The following TTPA variants were observed in gnomAD, a reference collection of about 807,000 sequenced individuals.
TTPA encodes the protein alpha tocopherol transfer protein.
TTPA carries 23 observed loss-of-function variants against 25.9 expected under a neutral mutation model. That is an observed-to-expected ratio of 0.89 (90% CI 0.64 to 1.26). TTPA has a LOEUF of 1.26. TTPA is among the 50% of genes most tolerant of loss of function. The pLI is 0.00. For missense variants in TTPA, 337 were observed against 353.1 expected (o/e 0.95, Z 0.37); for synonymous variants, 148 against 137.3 (o/e 1.08, Z -0.54).
chr8:63,066,287 C>T (rs1805389085), intron 2 of TTPA, among the ~76,000 whole-genome samples, 190 bp from the exon 3 acceptor site: 1 of 152,318 alleles, frequency 6.6e-6, no homozygotes, highest in South Asian at 2.1e-4. Context: ...TCCTCAAATT[C>T]TAGCAAAGAA....
rs773161117 is a variant in TTPA, at chr8:63,065,946, T to A, written c.510A>T (p.Gln170His). The change falls in exon 3 of 5, where the codon CAA becomes CAT. Residue 170 changes from glutamine to histidine, a missense_variant. Physicochemically the swap from Gln to His is conservative, Grantham distance 24. Transcript: ENST00000260116. ...TCTTCTTGGCTACGGATGGAGTGAT[T>A]TGAAAAGCATGAGAAAACTGCCAAC... ...LEGWQFSHAF[Q>H]ITPSVAKKIA... 1 of 1,614,090 alleles carries A rather than the reference T, an allele frequency of 6.2e-7. No individual in the cohort carries two copies. The highest frequency in any genetic ancestry group is 8.5e-7 in the Non-Finnish European group (1 of 1,179,990).
At chr8:63,068,850 T>G (rs145789700) in intron 2 of TTPA, among the ~76,000 whole-genome samples, 350 of 152,272 alleles carry the variant, frequency 2.3e-3, no homozygotes, top group African/African-American at 8.0e-3. Context: ...TGTGTTAGTG[T>G]TTTTTAAAAG....
chr8:63,072,965 T>G lies in TTPA; in HGVS notation c.328A>C (p.Thr110Pro), dbSNP rs757454805. The change falls in exon 2 of 5, where the codon ACT becomes CCT. Residue 110 changes from threonine (T) to proline (P), a missense_variant. Physicochemically the swap from Thr to Pro is conservative, Grantham distance 38. Transcript: ENST00000260116. ...CTGTAAATAAGAACTTTGCTGCCAGTGGGATCCCTGGATCTCAGGACTCCA... is the reference window on the plus strand; with the variant it reads ...CTGTAAATAAGAACTTTGCTGCCAGGGGGATCCCTGGATCTCAGGACTCCA... ...YHGVLRSRDPTGSKVLIYRIA... is the reference protein window; with the variant it reads ...YHGVLRSRDPPGSKVLIYRIA... The G allele has an allele frequency of 3.1e-6, 5 of 1,614,086 alleles. No individual in the cohort carries two copies. The South Asian group carries it at 5.5e-5, about 18-fold the overall frequency.
Position 63,060,978 on chromosome 8 carries a change from A to G in TTPA, c.*274T>C, listed in dbSNP as rs1255852902. 3.0e-5 allele frequency: 10 copies of G among 331,508 alleles called. No homozygotes were observed. Among genetic ancestry groups the G allele is most frequent in the Non-Finnish European group, 5.1e-5 (9 of 175,676 alleles). The allele number at this position is 331,508 out of a possible 1,614,324, so 20.5% of individuals were successfully genotyped here. A position where few individuals can be genotyped will look rare whatever the true frequency, so the allele number is the denominator to read the frequency against. On this transcript the variant is annotated 3_prime_UTR_variant, in exon 5 of 5. Transcript: ENST00000260116. ...ATGCACATGAGCAGCTACTTTAGCAATAACTTTCATGTTCTCTTCAAGTAC... is the reference window on the plus strand; with the variant it reads ...ATGCACATGAGCAGCTACTTTAGCAGTAACTTTCATGTTCTCTTCAAGTAC...
At chr8:63,078,131 T>G (rs1563364718) in intron 1 of TTPA, among the ~76,000 whole-genome samples, 1 of 152,168 alleles carries the variant, frequency 6.6e-6, no homozygotes, top group Non-Finnish European at 1.5e-5. Flanking sequence ...CAGACAGGAA[T>G]AGCGCCAACA....
intron 1 of TTPA, among the ~76,000 whole-genome samples, chr8:63,073,769 C>A (rs1385971213): frequency 6.6e-6 from 1 of 152,102 alleles, no homozygotes; most frequent in Non-Finnish European, 1.5e-5. Flanking sequence ...AGCTGAAACA[C>A]CACTTTTAGT....
At chr8:63,076,285 T>C (rs1805560820) in intron 1 of TTPA, among the ~76,000 whole-genome samples, 1 of 151,718 alleles carries the variant, frequency 6.6e-6, no homozygotes, top group South Asian at 2.1e-4. Flanking sequence ...TAATTCATCA[T>C]AACTTCAAAT....
chr8:63,072,832 TG>T, intron 2 of TTPA, 102 bp downstream of exon 2: 1 of 1,360,254 alleles, frequency 7.4e-7, no homozygotes, highest in Non-Finnish European at 1.0e-6. Flanking sequence ...GCTTTCTATA[TG>T]GTATTCAAGG....
intron 2 of TTPA, among the ~76,000 whole-genome samples, chr8:63,069,327 C>G (rs1477682968): frequency 6.6e-6 from 1 of 150,530 alleles, no homozygotes; most frequent in Non-Finnish European, 1.5e-5. Context: ...GTTTGCCAAT[C>G]AAAAAAATAG....
intron 4 of TTPA, among the ~76,000 whole-genome samples, chr8:63,063,556 C>T (rs1161461896): frequency 6.6e-6 from 1 of 152,158 alleles, no homozygotes; most frequent in African/African-American, 2.4e-5. Context: ...AAAAGATACA[C>T]AGTGAGAGAT....
rs760014795 is a variant in TTPA at position 63,086,002 on chromosome 8, TG to T, written c.19del (p.Gln7SerfsTer64). 8.7e-6 allele frequency: 13 copies of T among 1,486,838 alleles called. No individual in the cohort carries two copies. The highest frequency in any genetic ancestry group is 8.9e-7 in the Non-Finnish European group (1 of 1,126,720). The allele number at this position is 1,486,838 out of a possible 1,614,324, so 92.1% of individuals were successfully genotyped here. A position where few individuals can be genotyped will look rare whatever the true frequency, so the allele number is the denominator to read the frequency against. ...GTTGAGCTGCGGCCCCGCCGAGGGC[TG>T]GGATCGCGCCTCTGCCATGCCCGCC... MAEARS[Q>X]PSAGPQLNAL... On this transcript the variant is annotated frameshift_variant, in exon 1 of 5. Coordinates refer to ENST00000260116, the MANE Select transcript of TTPA (RefSeq NM_000370.3). LOFTEE classifies it high-confidence loss of function.
Position 63,060,974 on chromosome 8 carries a change from A to C in TTPA, c.*278T>G. 3.1e-6 allele frequency: 1 copy of C among 324,460 alleles called. No homozygotes were observed. Among genetic ancestry groups the C allele is most frequent in the East Asian group, 6.6e-5 (1 of 15,168 alleles). 20.1% of individuals were successfully genotyped at this position (324,460 alleles called of 1,614,324 possible). On this transcript the variant is annotated 3_prime_UTR_variant, in exon 5 of 5. Coordinates refer to ENST00000260116, the MANE Select transcript of TTPA (RefSeq NM_000370.3). ...AAAGATGCACATGAGCAGCTACTTT[A>C]GCAATAACTTTCATGTTCTCTTCAA...
rs184901623 is a variant in TTPA, at chr8:63,083,397, A to G, written c.204+2421T>C. The stretch of plus-strand genomic sequence containing the variant: ...CAACTATCACAAAGACAGAAAACCA[A>G]ACACTGCATGTTCTCACTCAGAGGT... On this transcript the variant is annotated intron_variant, in intron 1 of 4. Coordinates refer to ENST00000260116, the MANE Select transcript of TTPA (RefSeq NM_000370.3). 1.5e-3 allele frequency among the ~76,000 whole-genome samples: 223 copies of G among 152,266 alleles called. 1 individual carries two copies. The highest frequency in any genetic ancestry group is 4.6e-3 in the African/African-American group (193 of 41,542).
At position 63,066,349 on chromosome 8, in the gene TTPA, C is replaced by T. The variant is rs956715470; in HGVS notation, c.359-252G>A. Among the ~76,000 whole-genome samples the T allele has an allele frequency of 2.0e-5, 3 of 152,170 alleles. 1 individual carries two copies. The South Asian group carries it at 6.2e-4, about 32-fold the overall frequency. On this transcript the variant is annotated intron_variant, in intron 2 of 4. Coordinates refer to ENST00000260116, the MANE Select transcript of TTPA (RefSeq NM_000370.3). ...AGGAATGGACACAGGCTGAATTTGA[C>T]TGCAAGATGAAGTCACAACCTCACA...
At chr8:63,074,225 G>T (rs1805527104) in intron 1 of TTPA, among the ~76,000 whole-genome samples, 1 of 152,102 alleles carries the variant, frequency 6.6e-6, no homozygotes, top group African/African-American at 2.4e-5. Context: ...AACTAGAGAG[G>T]GAAATGCTGA....
chr8:63,074,749 G>T (rs1363247273), intron 1 of TTPA, among the ~76,000 whole-genome samples: 2 of 152,094 alleles, frequency 1.3e-5, no homozygotes, highest in Non-Finnish European at 2.9e-5. Context: ...TAAAATGCTG[G>T]AAGCTGCACA....
chr8:63,070,386 G>A (rs73684514), intron 2 of TTPA, among the ~76,000 whole-genome samples: 2,000 of 152,238 alleles, frequency 0.013, 39 homozygotes, highest in African/African-American at 0.045. Flanking sequence ...ATCTAGAGAA[G>A]GTGGTTATGC....
At chr8:63,078,033 C>T (rs941863898) in intron 1 of TTPA, among the ~76,000 whole-genome samples, 2 of 152,194 alleles carry the variant, frequency 1.3e-5, no homozygotes, top group Admixed American at 1.3e-4. Flanking sequence ...TGGTGACACC[C>T]AGGCAAACAG....
At chr8:63,078,487 C>T (rs1467610585) in intron 1 of TTPA, among the ~76,000 whole-genome samples, 1 of 152,080 alleles carries the variant, frequency 6.6e-6, no homozygotes, top group African/African-American at 2.4e-5. Context: ...GTAGAGAAGA[C>T]CTTAAATGAC....
Sources: allele counts gnomAD v4.1 joint callset (sites outside exome capture counted in the v4.1 genomes callset), GRCh38; gene constraint gnomAD v4.1.1; transcripts MANE v1.5; gene names NCBI Gene and HGNC (gene_info 2026-07-23, HGNC 2026-07-21).